The following CYRIA variants were observed in gnomAD, a reference collection of about 807,000 sequenced individuals.
CYRIA encodes the protein CYFIP related Rac1 interactor A.
CYRIA carries 15 observed loss-of-function variants against 43.9 expected under a neutral mutation model. The observed-to-expected ratio is 0.34, with a 90% CI of 0.23 to 0.53. The LOEUF (loss-of-function observed/expected upper bound fraction) is 0.53, where lower values mean the gene tolerates loss of function less well. CYRIA is among the 20% of genes least tolerant of loss of function. CYRIA has a pLI of 0.94. For synonymous variants in CYRIA, 117 were observed against 136.0 expected, an observed-to-expected ratio of 0.86 and a Z score of 0.97; for missense variants, 236 against 394.2, an observed-to-expected ratio of 0.60 and a Z score of 3.40.
rs35003671 is a variant in CYRIA, at chr2:16,550,304, CA to C, written c.*2631del. On this transcript the variant is annotated 3_prime_UTR_variant, in exon 12 of 12. Coordinates refer to ENST00000381323, the MANE Select transcript of CYRIA (RefSeq NM_030797.4). ...CACACACAAAAACCAAAAACAAAGC[CA>C]AAAAAAAAAAAATCCCAAACACAAC... The C allele has an allele frequency of 5.0e-3, 716 of 143,946 alleles. 5 individuals carry two copies. The highest frequency in any genetic ancestry group is 0.031 in the South Asian group (140 of 4,582). 8.9% of individuals were successfully genotyped at this position (143,946 alleles called of 1,614,324 possible).
intron 3 of CYRIA, among the ~76,000 whole-genome samples, chr2:16,577,614 G>C (rs1476714883): frequency 6.6e-6 from 1 of 152,114 alleles, no homozygotes; most frequent in East Asian, 1.9e-4. Context: ...ATAAATGCAG[G>C]TAACAAGAAA....
chr2:16,631,886 C>T (rs1211801514), intron 1 of CYRIA, among the ~76,000 whole-genome samples: 1 of 152,142 alleles, frequency 6.6e-6, no homozygotes, highest in Non-Finnish European at 1.5e-5. Flanking sequence ...CATGTGTTGT[C>T]CAAGTTTCCA....
intron 3 of CYRIA, among the ~76,000 whole-genome samples, chr2:16,577,017 G>A (rs1667376989): frequency 6.6e-6 from 1 of 152,094 alleles, no homozygotes; most frequent in African/African-American, 2.4e-5. Flanking sequence ...ATGGGGAAGG[G>A]AAAATGAGTA....
At chr2:16,651,530 C>T (rs1183518834) in intron 1 of CYRIA, among the ~76,000 whole-genome samples, 1 of 152,220 alleles carries the variant, frequency 6.6e-6, no homozygotes, top group Non-Finnish European at 1.5e-5. Flanking sequence ...TCCAAAACCT[C>T]TCACCAGGTA....
At chr2:16,617,014 T>C (rs1250908095) in intron 2 of CYRIA, among the ~76,000 whole-genome samples, 1 of 152,232 alleles carries the variant, frequency 6.6e-6, no homozygotes, top group Non-Finnish European at 1.5e-5. Flanking sequence ...ATGTACAGTA[T>C]TTGTTTTATG....
At chr2:16,640,090 T>G (rs1669627349) in intron 1 of CYRIA, among the ~76,000 whole-genome samples, 1 of 152,364 alleles carries the variant, frequency 6.6e-6, no homozygotes, top group South Asian at 2.1e-4. Context: ...CTGCAAACTG[T>G]GTGAATGCAG....
rs562120756 is a variant in CYRIA at position 16,564,242 on chromosome 2, C to T, written c.193-148G>A. The T allele has an allele frequency of 3.2e-4, 185 of 577,588 alleles. 2 individuals carry two copies. Among genetic ancestry groups the T allele is most frequent in the Middle Eastern group, 2.3e-3 (8 of 3,530 alleles). The allele number at this position is 577,588 out of a possible 1,614,324, so 35.8% of individuals were successfully genotyped here. A position where few individuals can be genotyped will look rare whatever the true frequency, so the allele number is the denominator to read the frequency against. On this transcript the variant is annotated intron_variant, in intron 4 of 11. Transcript: ENST00000381323. ...AACACCGGTTCATCGGATGGTCCTC[C>T]AACATGCTCAATATGAATGGAAATT... is the stretch of plus-strand genomic sequence containing the variant.
intron 2 of CYRIA, among the ~76,000 whole-genome samples, chr2:16,590,052 A>G (rs980416632): frequency 2.7e-5 from 4 of 147,818 alleles, no homozygotes; most frequent in African/African-American, 5.2e-5. Context: ...GTGTAGGAAT[A>G]TATTTGGGCA....
At chr2:16,604,590 G>C (rs945902838) in intron 2 of CYRIA, among the ~76,000 whole-genome samples, 1 of 152,206 alleles carries the variant, frequency 6.6e-6, no homozygotes, top group Non-Finnish European at 1.5e-5. Flanking sequence ...TTAATCATCA[G>C]CTTACAATAT....
chr2:16,563,070 C>T (rs542018557), intron 5 of CYRIA, among the ~76,000 whole-genome samples: 1 of 152,160 alleles, frequency 6.6e-6, no homozygotes, highest in African/African-American at 2.4e-5. Context: ...AGAACACACT[C>T]TCTTTTGAGG....
intron 3 of CYRIA, among the ~76,000 whole-genome samples, chr2:16,579,270 G>C (rs1261055247): frequency 6.6e-6 from 1 of 151,572 alleles, no homozygotes; most frequent in Non-Finnish European, 1.5e-5. Context: ...TAATAGACTT[G>C]AACTAAAAGA....
intron 1 of CYRIA, among the ~76,000 whole-genome samples, chr2:16,633,474 C>T (rs779137308): frequency 8.2e-5 from 12 of 145,854 alleles, no homozygotes; most frequent in Non-Finnish European, 9.0e-5. Context: ...AGTTCAGTGG[C>T]GTGATCTTGG....
chr2:16,560,907 G>A, intron 9 of CYRIA, 83 bp downstream of exon 9: 1 of 1,249,922 alleles, frequency 8.0e-7, no homozygotes, highest in Non-Finnish European at 1.2e-6. Context: ...TGACCCAAAT[G>A]TTACATATCA....
intron 1 of CYRIA, among the ~76,000 whole-genome samples, chr2:16,632,921 T>G (rs1401128589): frequency 6.6e-6 from 1 of 152,184 alleles, no homozygotes; most frequent in Non-Finnish European, 1.5e-5. Flanking sequence ...AAAGGGATTC[T>G]GCCTTCCCCA....
chr2:16,586,826 T>C (rs1667745605), intron 3 of CYRIA, among the ~76,000 whole-genome samples: 1 of 152,090 alleles, frequency 6.6e-6, no homozygotes, highest in Admixed American at 6.6e-5. Flanking sequence ...TAAAGTACAT[T>C]AGAGTGTGCA....
At chr2:16,648,451 G>A (rs1277683776) in intron 1 of CYRIA, among the ~76,000 whole-genome samples, 1 of 152,180 alleles carries the variant, frequency 6.6e-6, no homozygotes, top group Non-Finnish European at 1.5e-5. Flanking sequence ...CATCAACAAT[G>A]CTGGGGACCT....
chr2:16,608,496 C>T (rs1668483936), intron 2 of CYRIA, among the ~76,000 whole-genome samples: 1 of 152,114 alleles, frequency 6.6e-6, no homozygotes, highest in Non-Finnish European at 1.5e-5. Flanking sequence ...ATGAGGACGG[C>T]GTTTTGTAGT....
intron 1 of CYRIA, among the ~76,000 whole-genome samples, chr2:16,654,573 G>C (rs2103551753): frequency 6.6e-6 from 1 of 152,276 alleles, no homozygotes; most frequent in African/African-American, 2.4e-5. Context: ...TTTAGAGCCA[G>C]GCCGACTTCA....
intron 3 of CYRIA, among the ~76,000 whole-genome samples, chr2:16,569,159 G>A (rs1667045410): frequency 6.6e-6 from 1 of 152,150 alleles, no homozygotes; most frequent in African/African-American, 2.4e-5. Context: ...AGTTGCATGA[G>A]TAACCAGGGG....
Sources: gnomAD v4.1 joint callset for allele counts (sites outside exome capture counted in the v4.1 genomes callset) on GRCh38, gnomAD v4.1.1 for gene constraint, MANE v1.5 for transcripts, NCBI Gene and HGNC (gene_info 2026-07-23, HGNC 2026-07-21) for gene names.